Variants in GRID2IP observed in about 807,000 individuals in gnomAD.
The protein encoded by GRID2IP is Grid2 interacting protein, also known as delphilin.
GRID2IP carries 78 observed loss-of-function variants against 114.3 expected under a neutral mutation model. That is an observed-to-expected ratio of 0.68 (90% CI 0.57 to 0.82). The LOEUF (loss-of-function observed/expected upper bound fraction) is 0.82. Among genes scored for constraint, GRID2IP ranks in the 40% least tolerant of loss-of-function variants. The pLI is 0.00. For missense variants in GRID2IP, 1,727 were observed against 1,678.5 expected (o/e 1.03, Z -0.51); for synonymous variants, 809 against 724.0 (o/e 1.12, Z -1.89).
intron 2 of GRID2IP, among the ~76,000 whole-genome samples, chr7:6,539,072 T>C (rs1368016054): frequency 1.3e-5 from 2 of 151,776 alleles, no homozygotes; most frequent in Non-Finnish European, 1.5e-5. Flanking sequence ...TGGAAGTGTC[T>C]GGTATCCTGT....
At chr7:6,540,687 ATTTTTT>A (rs34930808) in intron 1 of GRID2IP, among the ~76,000 whole-genome samples, 1 of 92,318 alleles carries the variant, frequency 1.1e-5, no homozygotes, top group African/African-American at 4.6e-5. Flanking sequence ...CACCTGGCTA[ATTTTTT>A]TTTTTTTTTT....
In GRID2IP at chr7:6,546,004, C is replaced by T. The variant is rs180864513; in HGVS notation, c.429+5004G>A. Among the ~76,000 whole-genome samples, 7 of 152,178 alleles carry T rather than the reference C, an allele frequency of 4.6e-5. No homozygotes were observed. In the East Asian group the frequency reaches 5.9e-4, roughly 13 times the overall value. On this transcript the variant is annotated intron_variant, in intron 1 of 21. Coordinates refer to ENST00000457091, the MANE Select transcript of GRID2IP (RefSeq NM_001145118.2). The stretch of plus-strand genomic sequence containing the variant: ...CCCTCCTGGGGCCCGTGCTACAGTG[C>T]GGTTTCGGTGTCAGTTATTACCCAG...
chr7:6,508,489 T>C lies in GRID2IP; in HGVS notation c.2128-88A>G. Reference sequence around the variant, plus strand: ...CAAAGTGAAGGATCATGGGATAGCCTGGGACAAGGACAGGGCCATCTCACG... The same window carrying C: ...CAAAGTGAAGGATCATGGGATAGCCCGGGACAAGGACAGGGCCATCTCACG... On this transcript the variant is annotated intron_variant, in intron 12 of 21. Coordinates refer to ENST00000457091, the MANE Select transcript of GRID2IP (RefSeq NM_001145118.2). This position sits in a 1 kb window ranked among gnomAD's most constrained non-coding sequence, Gnocchi z 5.6. The C allele has an allele frequency of 6.5e-7, 1 of 1,532,520 alleles. No individual in the cohort carries two copies. Among genetic ancestry groups the C allele is most frequent in the Non-Finnish European group, 8.8e-7 (1 of 1,139,294 alleles). 94.9% of individuals were successfully genotyped at this position (1,532,520 alleles called of 1,614,324 possible).
rs141574380 is a variant in GRID2IP at position 6,528,886 on chromosome 7, C to G, written c.585-2117G>C. ...CCACCTGCAATGCTTCCTGCAAATC[C>G]GGAAACACAGCCTCATCCCCCAGAT... On this transcript the variant is annotated intron_variant, in intron 2 of 21. Transcript: ENST00000457091. This position sits in a 1 kb window ranked among gnomAD's most constrained non-coding sequence, Gnocchi z 6.0. Among the ~76,000 whole-genome samples the G allele has an allele frequency of 6.6e-6, 1 of 152,126 alleles. No homozygotes were observed. The highest frequency in any genetic ancestry group is 1.5e-5 in the Non-Finnish European group (1 of 68,016).
In GRID2IP at chr7:6,534,548, C is replaced by T. The variant is rs1435412420; in HGVS notation, c.584+5170G>A. ...CCCATCTCACCCTTTACAGCAGCAG[C>T]GCTGTCCAAGGGAACGTTCTGTGAC... On this transcript the variant is annotated intron_variant, in intron 2 of 21. Transcript: ENST00000457091. This position sits in a 1 kb window ranked among gnomAD's most constrained non-coding sequence, Gnocchi z 4.5. 3.3e-5 allele frequency among the ~76,000 whole-genome samples: 5 copies of T among 152,262 alleles called. No homozygotes were observed. The highest frequency in any genetic ancestry group is 1.9e-4 in the East Asian group (1 of 5,188).
At chr7:6,541,297 G>A (rs928608665) in intron 1 of GRID2IP, among the ~76,000 whole-genome samples, 3 of 152,210 alleles carry the variant, frequency 2.0e-5, no homozygotes, top group African/African-American at 4.8e-5. Context: ...AATAAATATC[G>A]TAAAGATCAA....
chr7:6,529,059 C>T (rs1779568091), intron 2 of GRID2IP, among the ~76,000 whole-genome samples: 1 of 152,284 alleles, frequency 6.6e-6, no homozygotes, highest in South Asian at 2.1e-4. Flanking sequence ...GCTCCAGCCA[C>T]AGACTCTGAA....
chr7:6,534,070 T>C lies in GRID2IP; in HGVS notation c.584+5648A>G, dbSNP rs145508365. Among the ~76,000 whole-genome samples, 1 of 152,254 alleles carries C rather than the reference T, an allele frequency of 6.6e-6. No individual in the cohort carries two copies. Among genetic ancestry groups the C allele is most frequent in the Non-Finnish European group, 1.5e-5 (1 of 68,006 alleles). ...CTCAACTCACCTTTCCTGCTTTCAG[T>C]TGGCCAAGTTCATTTACATGGTTTC... On this transcript the variant is annotated intron_variant, in intron 2 of 21. Transcript: ENST00000457091. This position sits in a 1 kb window ranked among gnomAD's most constrained non-coding sequence, Gnocchi z 4.5.
chr7:6,550,378 C>A, intron 1 of GRID2IP, among the ~76,000 whole-genome samples: 1 of 152,090 alleles, frequency 6.6e-6, no homozygotes, highest in Non-Finnish European at 1.5e-5. Flanking sequence ...ATATTTTTAT[C>A]TATATCCTAT....
Position 6,523,353 on chromosome 7 carries a change from G to A in GRID2IP, c.920-1396C>T, listed in dbSNP as rs558993932. ...AATCCAATCTGGCCTGCCTGGAATG[G>A]TGGGACAGCTAGAGAGGTTGTCGCA... On this transcript the variant is annotated intron_variant, in intron 4 of 21. Transcript: ENST00000457091. This position sits in a 1 kb window ranked among gnomAD's most constrained non-coding sequence, Gnocchi z 4.5. Among the ~76,000 whole-genome samples, 25 of 152,196 alleles carry A rather than the reference G, an allele frequency of 1.6e-4. No homozygotes were observed. Among genetic ancestry groups the A allele is most frequent in the Admixed American group, 1.6e-3 (25 of 15,262 alleles).
At position 6,551,178 on chromosome 7, in the gene GRID2IP, C is replaced by A. The variant is rs966003706; in HGVS notation, c.259G>T (p.Gly87Cys). 7.3e-7 allele frequency: 1 copy of A among 1,371,256 alleles called. No individual in the cohort carries two copies. Among genetic ancestry groups the A allele is most frequent in the Non-Finnish European group, 9.3e-7 (1 of 1,071,106 alleles). 84.9% of individuals were successfully genotyped at this position (1,371,256 alleles called of 1,614,324 possible). ...PSLGVLPAPDGGPGPGSGPAA... is the reference protein window; with the variant it reads ...PSLGVLPAPDCGPGPGSGPAA... ...GGGCCGGATCCTGGGCCGGGGCCAC[C>A]GTCGGGAGCCGGGAGCACGCCCAGA... Residue 87 changes from glycine (G) to cysteine (C), a missense_variant, in exon 1 of 22, where the codon GGT (glycine) becomes TGT (cysteine). Transcript: ENST00000457091.
At chr7:6,530,059 T>C (rs547039526) in intron 2 of GRID2IP, among the ~76,000 whole-genome samples, 31 of 151,220 alleles carry the variant, frequency 2.0e-4, no homozygotes, top group South Asian at 2.1e-4. Flanking sequence ...CCAGGATTCA[T>C]GCCATTCTCC....
At chr7:6,548,458 A>G (rs191543020) in intron 1 of GRID2IP, among the ~76,000 whole-genome samples, 5 of 152,154 alleles carry the variant, frequency 3.3e-5, no homozygotes, top group Non-Finnish European at 5.9e-5. Context: ...CTTATTTCAC[A>G]TTGCATGCCT....
Position 6,532,341 on chromosome 7 carries a change from GC to G in GRID2IP, c.585-5573del, listed in dbSNP as rs1199375536. ...CAGGCGGGAACAGGAGAGGCAAGAT[GC>G]CCCGGGGACTTTCCCTCTGTCTCAC... On this transcript the variant is annotated intron_variant, in intron 2 of 21. Transcript: ENST00000457091. The surrounding 1 kb of genome is among the most constrained non-coding windows in gnomAD (Gnocchi z 4.4). 1.1e-4 allele frequency among the ~76,000 whole-genome samples: 17 copies of G among 152,090 alleles called. No homozygotes were observed. Among genetic ancestry groups the G allele is most frequent in the African/African-American group, 3.9e-4 (16 of 41,400 alleles).
chr7:6,526,084 T>C lies in GRID2IP; in HGVS notation c.919+140A>G. 1.5e-6 allele frequency: 1 copy of C among 664,322 alleles called. No individual in the cohort carries two copies. The highest frequency in any genetic ancestry group is 2.7e-6 in the Non-Finnish European group (1 of 371,322). The allele number at this position is 664,322 out of a possible 1,614,324, so 41.2% of individuals were successfully genotyped here. On this transcript the variant is annotated intron_variant, in intron 4 of 21. Coordinates refer to ENST00000457091, the MANE Select transcript of GRID2IP (RefSeq NM_001145118.2). The surrounding 1 kb of genome is among the most constrained non-coding windows in gnomAD (Gnocchi z 7.6). ...TCTGGGACACTCTGGGGACACGGTC[T>C]ACACAAGGATGGTACCTGACGTGGA...
rs1324413907 is a variant in GRID2IP at position 6,502,748 on chromosome 7, G to A, written c.3150+38C>T. 5 of 1,460,684 alleles carry A rather than the reference G, an allele frequency of 3.4e-6. No individual in the cohort carries two copies. In the African/African-American group the frequency reaches 5.6e-5, roughly 16 times the overall value. 90.5% of individuals were successfully genotyped at this position (1,460,684 alleles called of 1,614,324 possible). ...GCCTGGCGTTAGCGCCTTGCTGGTA[G>A]AGCAAACCAGTCGATTGCTGCCGGC... On this transcript the variant is annotated intron_variant, in intron 18 of 21. Coordinates refer to ENST00000457091, the MANE Select transcript of GRID2IP (RefSeq NM_001145118.2).
In GRID2IP at chr7:6,534,586, C is replaced by G. The variant is rs1351741331; in HGVS notation, c.584+5132G>C. ...AACGTTCTGTGACGATGGACAAGGT[C>G]TACATCCGCCTGGTCCTGTACGGTA... On this transcript the variant is annotated intron_variant, in intron 2 of 21. Transcript: ENST00000457091. This position sits in a 1 kb window ranked among gnomAD's most constrained non-coding sequence, Gnocchi z 4.5. Among the ~76,000 whole-genome samples, 1 of 152,236 alleles carries G rather than the reference C, an allele frequency of 6.6e-6. No homozygotes were observed.
chr7:6,510,027 C>T (rs1490707849), intron 11 of GRID2IP, among the ~76,000 whole-genome samples: 1 of 152,114 alleles, frequency 6.6e-6, no homozygotes, highest in Admixed American at 6.5e-5. Context: ...GATGGGGCCT[C>T]ACTATGTTGC....
At position 6,497,698 on chromosome 7, in the gene GRID2IP, A is replaced by G; in HGVS notation, c.*76T>C. On this transcript the variant is annotated 3_prime_UTR_variant, in exon 22 of 22. Coordinates refer to ENST00000457091, the MANE Select transcript of GRID2IP (RefSeq NM_001145118.2). ...AGAGCCCGGGGCACAGTGGCCCCGG[A>G]CCTCGGCAGTGTCTGGGCTGCCCTC... 9.1e-7 allele frequency: 1 copy of G among 1,104,118 alleles called. No homozygotes were observed. Among genetic ancestry groups the G allele is most frequent in the Non-Finnish European group, 1.3e-6 (1 of 767,876 alleles). 68.4% of individuals were successfully genotyped at this position (1,104,118 alleles called of 1,614,324 possible).
Sources: allele counts gnomAD v4.1 joint callset (sites outside exome capture counted in the v4.1 genomes callset), GRCh38; gene constraint gnomAD v4.1.1; non-coding constraint Gnocchi (gnomAD v3.1); transcripts MANE v1.5; gene names NCBI Gene and HGNC (gene_info 2026-07-23, HGNC 2026-07-21).